GSE1: variants seen among roughly 807,000 people sequenced by gnomAD.
GSE1 encodes the protein genetic suppressor element 1.
GSE1 carries 32 observed loss-of-function variants against 112.6 expected under a neutral mutation model. The observed-to-expected ratio is 0.28, with a 90% CI of 0.21 to 0.38. GSE1 has a LOEUF of 0.38. Among genes scored for constraint, GSE1 ranks in the 10% least tolerant of loss-of-function variants. GSE1 has a pLI of 1.00. For synonymous variants in GSE1, 1,115 were observed against 735.6 expected, an observed-to-expected ratio of 1.52 and a Z score of -8.35; for missense variants, 2,348 against 1,699.2, an observed-to-expected ratio of 1.38 and a Z score of -6.71.
At chr16:85,290,707 A>C (rs932189634) in intron 1 of GSE1, among the ~76,000 whole-genome samples, 2 of 152,130 alleles carry the variant, frequency 1.3e-5, no homozygotes, top group African/African-American at 4.8e-5. Flanking sequence ...CTTTGTTGTC[A>C]CCGAGACACA....
At chr16:85,514,344 C>G (rs1418866014) in intron 2 of GSE1, among the ~76,000 whole-genome samples, 1 of 150,230 alleles carries the variant, frequency 6.7e-6, no homozygotes, top group Non-Finnish European at 1.5e-5. Context: ...CTGCTGCCTG[C>G]ATTTCCTCCT....
chr16:85,468,251 C>T (rs2050180409), intron 2 of GSE1, among the ~76,000 whole-genome samples: 4 of 151,944 alleles, frequency 2.6e-5, no homozygotes, highest in Admixed American at 2.6e-4. Context: ...GCTCTCAGAG[C>T]CTCAGCCTCC....
intron 8 of GSE1, chr16:85,659,415 T>G (rs551639807): frequency 2.6e-5 from 4 of 152,422 alleles, no homozygotes; most frequent in South Asian, 4.1e-4. Context: ...GCCCAACTAC[T>G]CTGGAGGCTG....
intron 2 of GSE1, among the ~76,000 whole-genome samples, chr16:85,437,507 T>C (rs1414765263): frequency 6.6e-6 from 1 of 151,912 alleles, no homozygotes; most frequent in Non-Finnish European, 1.5e-5. Flanking sequence ...ACACCCACCC[T>C]GGGGGAGGAG....
chr16:85,627,415 A>G (rs1165383600), intron 1 of GSE1, among the ~76,000 whole-genome samples: 1 of 151,470 alleles, frequency 6.6e-6, no homozygotes, highest in Non-Finnish European at 1.5e-5. Context: ...AAGAAGGGGT[A>G]TGTCCCCTGG....
chr16:85,341,109 T>C (rs2151539704), intron 1 of GSE1, among the ~76,000 whole-genome samples: 1 of 152,362 alleles, frequency 6.6e-6, no homozygotes, highest in African/African-American at 2.4e-5. Context: ...TCCACTGAAT[T>C]GAAACCTTCC....
intron 1 of GSE1, among the ~76,000 whole-genome samples, chr16:85,263,526 CG>C (rs1273859409): frequency 6.6e-6 from 1 of 151,744 alleles, no homozygotes. Flanking sequence ...TCTTCTACCT[CG>C]GGGGCACCTA....
At chr16:85,218,708 C>G (rs1312444308) in intron 1 of GSE1, among the ~76,000 whole-genome samples, 1 of 152,242 alleles carries the variant, frequency 6.6e-6, no homozygotes, top group African/African-American at 2.4e-5. Context: ...TCACCCATGA[C>G]CTGCCTTCTG....
At chr16:85,516,878 A>G (rs1025852813) in intron 2 of GSE1, among the ~76,000 whole-genome samples, 5 of 150,954 alleles carry the variant, frequency 3.3e-5, no homozygotes, top group Non-Finnish European at 5.9e-5. Context: ...ACTTACTGCA[A>G]GCTCCGCCTC....
intron 2 of GSE1, among the ~76,000 whole-genome samples, chr16:85,491,113 C>A (rs2050997540): frequency 6.6e-6 from 1 of 152,208 alleles, no homozygotes; most frequent in East Asian, 1.9e-4. Flanking sequence ...AGCCCTGTCG[C>A]AGGGGGCGGC....
intron 2 of GSE1, among the ~76,000 whole-genome samples, chr16:85,427,677 C>T (rs2049024899): frequency 6.6e-6 from 1 of 151,704 alleles, no homozygotes; most frequent in Non-Finnish European, 1.5e-5. Context: ...ACTAAAAATA[C>T]AAAAATTAGC....
At chr16:85,642,691 G>A (rs868824059) in intron 2 of GSE1, among the ~76,000 whole-genome samples, 5 of 152,382 alleles carry the variant, frequency 3.3e-5, no homozygotes, top group Middle Eastern at 3.4e-3. Context: ...AAGCACGTCC[G>A]GTAGTTACCG....
At chr16:85,389,945 C>T (rs538174336) in intron 2 of GSE1, among the ~76,000 whole-genome samples, 15 of 152,258 alleles carry the variant, frequency 9.9e-5, no homozygotes, top group Admixed American at 5.2e-4. Flanking sequence ...TCAGGCTCTT[C>T]GTCTCGTTTT....
At chr16:85,551,992 C>T (rs1024115482), upstream of GSE1, among the ~76,000 whole-genome samples, 3 of 152,204 alleles carry the variant, frequency 2.0e-5, no homozygotes, top group Non-Finnish European at 4.4e-5. Context: ...TCTCCAAGCC[C>T]CTGCTTCGCC....
intron 2 of GSE1, among the ~76,000 whole-genome samples, chr16:85,523,597 G>A (rs528267307): frequency 6.6e-6 from 1 of 152,216 alleles, no homozygotes; most frequent in Non-Finnish European, 1.5e-5. Context: ...CCTGGCCCCA[G>A]CCGTGGGGGC....
At chr16:85,247,451 G>T (rs1409018937) in intron 1 of GSE1, among the ~76,000 whole-genome samples, 2 of 152,212 alleles carry the variant, frequency 1.3e-5, no homozygotes, top group Non-Finnish European at 2.9e-5. Flanking sequence ...GGCAGTGGCT[G>T]CATGCAGGGA....
intron 2 of GSE1, among the ~76,000 whole-genome samples, chr16:85,491,515 T>C (rs9937577): frequency 0.68 from 103,749 of 152,080 alleles, 36,724 homozygotes; most frequent in African/African-American, 0.9. Flanking sequence ...GGGTGTGAGC[T>C]CAGAAGCTGC....
intron 2 of GSE1, among the ~76,000 whole-genome samples, chr16:85,645,841 C>G (rs1056518461): frequency 6.6e-6 from 1 of 151,840 alleles, no homozygotes; most frequent in Non-Finnish European, 1.5e-5. Context: ...ACCACGCTTC[C>G]TATGCATGCA....
intron 2 of GSE1, among the ~76,000 whole-genome samples, chr16:85,457,188 G>A (rs1012238653): frequency 2.0e-5 from 3 of 152,210 alleles, no homozygotes; most frequent in African/African-American, 4.8e-5. Flanking sequence ...ATTGCACATA[G>A]CCAGATAAGG....
Sources: gnomAD v4.1 joint callset for allele counts (sites outside exome capture counted in the v4.1 genomes callset) on GRCh38, gnomAD v4.1.1 for gene constraint, MANE v1.5 for transcripts, NCBI Gene and HGNC (gene_info 2026-07-23, HGNC 2026-07-21) for gene names.